Variants in FAT3 observed in about 807,000 individuals in gnomAD.
FAT3 encodes the protein FAT atypical cadherin 3.
Under a neutral mutation model 310.2 loss-of-function variants are expected in FAT3, and 95 were observed. The ratio of observed to expected loss-of-function variants is 0.31; its 90% CI spans 0.26 to 0.36. FAT3 has a LOEUF of 0.36. Among genes scored for constraint, FAT3 ranks in the 10% least tolerant of loss-of-function variants. The probability of loss-of-function intolerance (pLI) is 1.00; values close to 1 mark genes in which losing one functional copy is unlikely to be tolerated. For missense variants in FAT3, 5,408 were observed against 5,715.6 expected, an observed-to-expected ratio of 0.95 and a Z score of 1.74; for synonymous variants, 2,314 against 2,192.9, an observed-to-expected ratio of 1.06 and a Z score of -1.54.
chr11:92,732,764 A>G (rs1465657191), intron 4 of FAT3, among the ~76,000 whole-genome samples: 2 of 152,212 alleles, frequency 1.3e-5, no homozygotes, highest in Non-Finnish European at 2.9e-5. Flanking sequence ...TTTATAGAGA[A>G]CCCATTACTT....
intron 2 of FAT3, among the ~76,000 whole-genome samples, chr11:92,484,935 G>A (rs1212066959): frequency 2.0e-5 from 3 of 152,194 alleles, no homozygotes; most frequent in African/African-American, 7.2e-5. Flanking sequence ...GGAAATGTGT[G>A]CATTCTCAGA....
chr11:92,346,979 A>G (rs1360468340), intron 1 of FAT3, among the ~76,000 whole-genome samples: 4 of 152,170 alleles, frequency 2.6e-5, no homozygotes, highest in African/African-American at 9.7e-5. Context: ...GATAATAGCT[A>G]ACAATTATAT....
intron 7 of FAT3, among the ~76,000 whole-genome samples, chr11:92,777,032 G>A (rs573716264): frequency 1.8e-3 from 278 of 152,266 alleles, no homozygotes; most frequent in Middle Eastern, 3.4e-3. Flanking sequence ...GACATTTTGG[G>A]AAATAAAAGG....
intron 3 of FAT3, among the ~76,000 whole-genome samples, chr11:92,589,852 C>G (rs1417320517): frequency 1.3e-5 from 2 of 152,078 alleles, no homozygotes; most frequent in African/African-American, 4.8e-5. Context: ...TGCTTAAATA[C>G]AGGAAATCAA....
At chr11:92,597,005 T>A (rs1939744483) in intron 3 of FAT3, among the ~76,000 whole-genome samples, 1 of 152,162 alleles carries the variant, frequency 6.6e-6, no homozygotes, top group Non-Finnish European at 1.5e-5. Flanking sequence ...ACCCTCAATA[T>A]CCTTTCTCCA....
intron 4 of FAT3, among the ~76,000 whole-genome samples, chr11:92,744,611 C>T (rs904535882): frequency 6.6e-6 from 1 of 152,156 alleles, no homozygotes; most frequent in Non-Finnish European, 1.5e-5. Context: ...ATCTTCTGCA[C>T]AACCGTGATG....
chr11:92,836,741 C>A (rs778642155), intron 16 of FAT3, 38 bp downstream of exon 16: 2 of 1,593,330 alleles, frequency 1.3e-6, no homozygotes, highest in East Asian at 2.2e-5. Context: ...CCATCCACAT[C>A]CACCACTTTC....
chr11:92,357,344 A>G (rs1294469537), intron 2 of FAT3, among the ~76,000 whole-genome samples: 2 of 152,186 alleles, frequency 1.3e-5, no homozygotes, highest in African/African-American at 2.4e-5. Flanking sequence ...AGCTTTGTGT[A>G]ACTGCAGTAT....
Position 92,524,721 on chromosome 11 carries a change from C to A in FAT3, c.3380C>A (p.Pro1127Gln). The change falls in exon 3 of 28, where the codon CCA (proline) becomes CAA (glutamine). Residue 1127 changes from proline to glutamine, a missense_variant. By Grantham distance (76) the Pro-to-Gln change is moderately conservative. Transcript: ENST00000525166. ...TVYATDRGVV[P>Q]LYSTIEVYIE... Reference sequence around the variant, plus strand: ...TATGCCACAGACAGGGGCGTTGTTCCACTCTACTCCACCATTGAGGTCTAC... The same window carrying A: ...TATGCCACAGACAGGGGCGTTGTTCAACTCTACTCCACCATTGAGGTCTAC... 1 of 1,613,804 alleles carries A rather than the reference C, an allele frequency of 6.2e-7. No homozygotes were observed. The highest frequency in any genetic ancestry group is 8.5e-7 in the Non-Finnish European group (1 of 1,179,822).
intron 7 of FAT3, among the ~76,000 whole-genome samples, chr11:92,777,787 A>G (rs954553938): frequency 6.6e-6 from 1 of 152,100 alleles, no homozygotes; most frequent in Admixed American, 6.5e-5. Context: ...AGTTGCTATG[A>G]GGATTACATG....
chr11:92,526,746 G>A (rs1261589056), intron 3 of FAT3, among the ~76,000 whole-genome samples: 1 of 152,162 alleles, frequency 6.6e-6, no homozygotes, highest in Non-Finnish European at 1.5e-5. Flanking sequence ...TTGCTAATAA[G>A]ATCCTTAAGC....
intron 3 of FAT3, among the ~76,000 whole-genome samples, chr11:92,696,182 ACT>A (rs904806297): frequency 4.6e-5 from 7 of 151,702 alleles, no homozygotes; most frequent in African/African-American, 1.7e-4. Flanking sequence ...TAAAGAAAAA[ACT>A]CTGTGGGGCA....
At chr11:92,284,454 A>T (rs150426039) in intron 1 of FAT3, among the ~76,000 whole-genome samples, 1 of 152,104 alleles carries the variant, frequency 6.6e-6, no homozygotes, top group Non-Finnish European at 1.5e-5. Flanking sequence ...GACTCCATCT[A>T]TTAGATTTTA....
intron 4 of FAT3, among the ~76,000 whole-genome samples, chr11:92,761,476 G>A (rs1406045354): frequency 6.6e-6 from 1 of 152,150 alleles, no homozygotes; most frequent in East Asian, 1.9e-4. Flanking sequence ...CATTCCAGCA[G>A]GGCTCATTTT....
At position 92,353,885 on chromosome 11, in the gene FAT3, T is replaced by C. The variant is rs755149520; in HGVS notation, c.1773T>C (p.Phe591=). 1.2e-6 allele frequency: 2 copies of C among 1,613,396 alleles called. No individual in the cohort carries two copies. The highest frequency in any genetic ancestry group is 1.3e-5 in the African/African-American group (1 of 75,038). ...VACQGVISYD[F]PVGGHITAVS... ...GCCAGGGAGTTATTTCATATGACTT[T>C]CCAGTTGGTGGTCACATCACAGCAG... The change falls in exon 2 of 28, where the codon TTT becomes TTC. Residue 591 remains phenylalanine (F), a synonymous_variant. Coordinates refer to ENST00000525166, the MANE Select transcript of FAT3 (RefSeq NM_001367949.2).
chr11:92,495,303 T>C (rs1045220155), intron 2 of FAT3, among the ~76,000 whole-genome samples: 8 of 152,000 alleles, frequency 5.3e-5, no homozygotes, highest in African/African-American at 1.9e-4. Context: ...CACAGTTAAT[T>C]AGTGACAGAG....
intron 2 of FAT3, among the ~76,000 whole-genome samples, chr11:92,470,064 C>T (rs76945809): frequency 0.011 from 1,726 of 152,260 alleles, 25 homozygotes; most frequent in Middle Eastern, 0.02. Context: ...TTATCTCTAA[C>T]GGTCCAGTGG....
At chr11:92,735,420 A>C (rs2136010807) in intron 4 of FAT3, among the ~76,000 whole-genome samples, 1 of 152,266 alleles carries the variant, frequency 6.6e-6, no homozygotes, top group South Asian at 2.1e-4. Context: ...TTACTTATAT[A>C]GCTTTTGCTC....
At chr11:92,664,146 A>C (rs1326086639) in intron 3 of FAT3, among the ~76,000 whole-genome samples, 1 of 152,158 alleles carries the variant, frequency 6.6e-6, no homozygotes, top group Admixed American at 6.5e-5. Flanking sequence ...CTTACTTGGC[A>C]AACTCCTACT....
Sources: gnomAD v4.1 joint callset for allele counts (sites outside exome capture counted in the v4.1 genomes callset) on GRCh38, gnomAD v4.1.1 for gene constraint, MANE v1.5 for transcripts, NCBI Gene and HGNC (gene_info 2026-07-23, HGNC 2026-07-21) for gene names.